The following TTC29 variants were observed in gnomAD, a reference collection of about 807,000 sequenced individuals.
TTC29 encodes tetratricopeptide repeat protein 29.
Under a neutral mutation model 58.1 loss-of-function variants are expected in TTC29, and 49 were observed. That is an observed-to-expected ratio of 0.84 (90% CI 0.67 to 1.07). The LOEUF is 1.07. Ranked by LOEUF, TTC29 falls within the 50% of genes least tolerant of loss-of-function variation. TTC29 has a pLI of 0.00. For synonymous variants in TTC29, 209 were observed against 196.8 expected (o/e 1.06, Z -0.52); for missense variants, 582 against 555.6 (o/e 1.05, Z -0.48).
At chr4:146,784,520 G>T (rs1026347291) in intron 11 of TTC29, among the ~76,000 whole-genome samples, 1 of 152,078 alleles carries the variant, frequency 6.6e-6, no homozygotes, top group African/African-American at 2.4e-5. Flanking sequence ...GAGGTGATTA[G>T]ATTATGTGTG....
At chr4:146,881,931 G>A (rs1483483443) in intron 6 of TTC29, among the ~76,000 whole-genome samples, 1 of 152,084 alleles carries the variant, frequency 6.6e-6, no homozygotes, top group Non-Finnish European at 1.5e-5. Context: ...AATATAAGAT[G>A]CTAGTTTAAA....
rs1561046974 is a variant in TTC29 at position 146,708,340 on chromosome 4, A to ATATACATG, written c.1331-790_1331-789insCATGTATA. Among the ~76,000 whole-genome samples the ATATACATG allele has an allele frequency of 6.0e-3, 243 of 40,468 alleles. 10 individuals carry two copies. Among genetic ancestry groups the ATATACATG allele is most frequent in the African/African-American group, 0.015 (232 of 15,546 alleles). The allele number at this position is 40,468 out of a possible 152,430, so 26.5% of individuals were successfully genotyped here. On this transcript the variant is annotated intron_variant, in intron 11 of 12. Transcript: ENST00000325106. ...TATATATATATATATATATATATAT[A>ATATACATG]TATATATATATATATACACATGTAT...
intron 11 of TTC29, among the ~76,000 whole-genome samples, chr4:146,777,181 G>A (rs570626187): frequency 5.4e-4 from 82 of 152,270 alleles, no homozygotes; most frequent in African/African-American, 1.8e-3. Flanking sequence ...TCTCTGAGGC[G>A]GAAGATATTA....
At chr4:146,817,423 A>C (rs1305781108) in intron 10 of TTC29, among the ~76,000 whole-genome samples, 2 of 152,206 alleles carry the variant, frequency 1.3e-5, no homozygotes, top group Admixed American at 6.5e-5. Flanking sequence ...CTGCTCAATG[A>C]AATAAAAGAG....
Position 146,945,834 on chromosome 4 carries a change from C to G in TTC29, c.-179G>C, listed in dbSNP as rs1477918541. The G allele has an allele frequency of 6.6e-6, 1 of 152,322 alleles. No individual in the cohort carries two copies. Among genetic ancestry groups the G allele is most frequent in the African/African-American group, 2.4e-5 (1 of 41,466 alleles). The allele number at this position is 152,322 out of a possible 1,614,324, so 9.4% of individuals were successfully genotyped here. A position where few individuals can be genotyped will look rare whatever the true frequency, so the allele number is the denominator to read the frequency against. On this transcript the variant is annotated 5_prime_UTR_variant, in exon 1 of 13. Transcript: ENST00000325106. ...TCTCAGTGATTCCGAAGCCTGGCTC[C>G]GCCGGAGCGGAGACAGGGGACGCCG...
chr4:146,891,605 G>A (rs2150249039), intron 6 of TTC29, among the ~76,000 whole-genome samples: 1 of 152,286 alleles, frequency 6.6e-6, no homozygotes, highest in Non-Finnish European at 1.5e-5. Flanking sequence ...ATAAAACACA[G>A]GATATTAGAA....
intron 4 of TTC29, among the ~76,000 whole-genome samples, chr4:146,931,233 T>C (rs1735316374): frequency 6.6e-6 from 1 of 152,132 alleles, no homozygotes; most frequent in Admixed American, 6.6e-5. Context: ...TATATGTTAT[T>C]TAAAACTCTG....
Position 146,803,580 on chromosome 4 carries a change from C to T in TTC29, c.1207G>A (p.Ala403Thr). 1 of 1,607,738 alleles carries T rather than the reference C, an allele frequency of 6.2e-7. No individual in the cohort carries two copies. Among genetic ancestry groups the T allele is most frequent in the South Asian group, 1.1e-5 (1 of 89,678 alleles). The part of the protein sequence containing the change: ...MDETKVHYGI[A>T]KAHQMMLTVN... The stretch of plus-strand genomic sequence containing the variant: ...GTAAGCATCATCTGATGAGCTTTTG[C>T]TATTCCATAGTGAACTTTTGTCTCA... The change falls in exon 11 of 13, where the codon GCA becomes ACA. Residue 403 changes from alanine (A) to threonine (T), a missense_variant. Transcript: ENST00000325106.
intron 6 of TTC29, among the ~76,000 whole-genome samples, chr4:146,903,099 T>G (rs1304535565): frequency 1.3e-5 from 2 of 152,212 alleles, no homozygotes; most frequent in African/African-American, 4.8e-5. Context: ...TTATTAAGTA[T>G]GAAGTTATTT....
Position 146,844,635 on chromosome 4 carries a change from C to G in TTC29, c.886-10738G>C, listed in dbSNP as rs558343094. Among the ~76,000 whole-genome samples, 98 of 152,162 alleles carry G rather than the reference C, an allele frequency of 6.4e-4. 1 individual carries two copies. Among genetic ancestry groups the G allele is most frequent in the Admixed American group, 2.6e-3 (39 of 15,272 alleles). On this transcript the variant is annotated intron_variant, in intron 8 of 12. Transcript: ENST00000325106. ...GGCTCATGCAATCCACCCGCCTTGG[C>G]CTCTCACAGTGCTGGAATTAGAGGC...
At chr4:146,904,065 A>G (rs1733354488) in intron 5 of TTC29, among the ~76,000 whole-genome samples, 1 of 152,178 alleles carries the variant, frequency 6.6e-6, no homozygotes, top group South Asian at 2.1e-4. Context: ...AGAAAGGATT[A>G]TGTAGTTTCA....
chr4:146,885,635 T>A (rs933404665), intron 6 of TTC29, among the ~76,000 whole-genome samples: 5 of 152,088 alleles, frequency 3.3e-5, no homozygotes, highest in African/African-American at 1.2e-4. Flanking sequence ...ATCTTAACAT[T>A]TTTAGAACTG....
intron 11 of TTC29, among the ~76,000 whole-genome samples, chr4:146,793,008 C>A (rs1749579633): frequency 6.6e-6 from 1 of 152,096 alleles, no homozygotes; most frequent in Non-Finnish European, 1.5e-5. Flanking sequence ...TTGGTGCAAT[C>A]CCATAATCAA....
chr4:146,724,653 A>G lies in TTC29; in HGVS notation c.1331-17102T>C, dbSNP rs146136037. 5.5e-3 allele frequency among the ~76,000 whole-genome samples: 831 copies of G among 151,938 alleles called. 62 individuals are homozygous for G. The East Asian group carries it at 0.13, about 24-fold the overall frequency. ...CTCAGCTTCCCGAGTAGCTGGGATT[A>G]CAGGTGCCCACCACCACGCCTGGCT... On this transcript the variant is annotated intron_variant, in intron 11 of 12. Coordinates refer to ENST00000325106, the MANE Select transcript of TTC29 (RefSeq NM_031956.4).
At position 146,768,161 on chromosome 4, in the gene TTC29, G is replaced by A. The variant is rs936633141; in HGVS notation, c.1330+35296C>T. ...AAGAAGAGAAAGTAAAGAAAATTGA[G>A]TATTAAGTTTGAAGATTCAAATAGG... is the stretch of plus-strand genomic sequence containing the variant. On this transcript the variant is annotated intron_variant, in intron 11 of 12. Coordinates refer to ENST00000325106, the MANE Select transcript of TTC29 (RefSeq NM_031956.4). Among the ~76,000 whole-genome samples, 7 of 152,122 alleles carry A rather than the reference G, an allele frequency of 4.6e-5. 1 individual carries two copies. Among genetic ancestry groups the A allele is most frequent in the Admixed American group, 4.6e-4 (7 of 15,246 alleles).
intron 8 of TTC29, among the ~76,000 whole-genome samples, chr4:146,858,476 C>T (rs1234737624): frequency 6.6e-6 from 1 of 152,172 alleles, no homozygotes; most frequent in Non-Finnish European, 1.5e-5. Flanking sequence ...ATCAACTTCT[C>T]CTTCCAACAC....
chr4:146,902,941 C>T (rs1391950248), intron 6 of TTC29, among the ~76,000 whole-genome samples: 1 of 151,946 alleles, frequency 6.6e-6, no homozygotes, highest in African/African-American at 2.4e-5. Flanking sequence ...TCATCTTTCC[C>T]TATATTTTCT....
intron 9 of TTC29, among the ~76,000 whole-genome samples, chr4:146,824,054 C>T (rs1440809335): frequency 6.6e-6 from 1 of 152,180 alleles, no homozygotes; most frequent in Non-Finnish European, 1.5e-5. Context: ...CAAACAGAGA[C>T]AATTTCACTT....
chr4:146,933,570 T>C (rs902930172), intron 4 of TTC29, among the ~76,000 whole-genome samples: 6 of 152,200 alleles, frequency 3.9e-5, no homozygotes, highest in Non-Finnish European at 5.9e-5. Context: ...TCTGTACTTG[T>C]TAAAGATCAG....
Sources: gnomAD v4.1 joint callset for allele counts (sites outside exome capture counted in the v4.1 genomes callset) on GRCh38, gnomAD v4.1.1 for gene constraint, MANE v1.5 for transcripts, NCBI Gene and HGNC (gene_info 2026-07-23, HGNC 2026-07-21) for gene names.